Variants in MAD1L1 observed in about 807,000 individuals in gnomAD.
MAD1L1 encodes the protein mitotic arrest deficient 1 like 1, also known as mitotic spindle assembly checkpoint protein MAD1.
MAD1L1 carries 95 observed loss-of-function variants against 96.9 expected under a neutral mutation model. That is an observed-to-expected ratio of 0.98 (90% CI 0.83 to 1.16). MAD1L1 has a LOEUF of 1.16. Ranked by LOEUF, MAD1L1 falls within the 50% of genes most tolerant of loss-of-function variation. The probability of loss-of-function intolerance (pLI) is 0.00; values close to 1 mark genes in which losing one functional copy is unlikely to be tolerated. For synonymous variants in MAD1L1, 473 were observed against 396.6 expected (o/e 1.19, Z -2.29); for missense variants, 1,007 against 954.4 (o/e 1.06, Z -0.73).
intron 11 of MAD1L1, among the ~76,000 whole-genome samples, chr7:2,082,094 G>C (rs1158019220): frequency 4.6e-5 from 7 of 152,152 alleles, no homozygotes; most frequent in Non-Finnish European, 1.5e-5. Flanking sequence ...GAAAAGCAGA[G>C]ACCGAGGAAT....
At chr7:1,819,246 G>C (rs1357106670) in intron 18 of MAD1L1, among the ~76,000 whole-genome samples, 1 of 152,148 alleles carries the variant, frequency 6.6e-6, no homozygotes, top group Non-Finnish European at 1.5e-5. Context: ...AGACACGTTG[G>C]CTGTGGCTGG....
chr7:1,826,225 C>T (rs1049593420), intron 18 of MAD1L1, among the ~76,000 whole-genome samples: 4 of 152,140 alleles, frequency 2.6e-5, no homozygotes, highest in Admixed American at 6.5e-5. Context: ...ATCCACGGCC[C>T]GAAGGTGATC....
chr7:1,937,637 G>A (rs947913109), intron 16 of MAD1L1, among the ~76,000 whole-genome samples: 30 of 150,554 alleles, frequency 2.0e-4, no homozygotes, highest in Non-Finnish European at 3.9e-4. Flanking sequence ...CAGCAGGGAG[G>A]TGCAGGGTCA....
Position 2,103,350 on chromosome 7 carries a change from T to C in MAD1L1, c.1074-34012A>G, listed in dbSNP as rs1375096712. 6.6e-6 allele frequency among the ~76,000 whole-genome samples: 1 copy of C among 152,122 alleles called. No homozygotes were observed. The highest frequency in any genetic ancestry group is 1.5e-5 in the Non-Finnish European group (1 of 68,006). On this transcript the variant is annotated intron_variant, in intron 11 of 18. Transcript: ENST00000265854. The surrounding 1 kb of genome is among the most constrained non-coding windows in gnomAD (Gnocchi z 4.3). ...CACTCAGTGAAGGCCTGGGCCTGCC[T>C]GCCCCGCCGCTCAGTAGACGGCACA...
At chr7:2,192,031 G>A (rs1251997285) in intron 10 of MAD1L1, among the ~76,000 whole-genome samples, 5 of 146,800 alleles carry the variant, frequency 3.4e-5, no homozygotes, top group East Asian at 1.9e-4. Context: ...CCTCTGTCTC[G>A]ATAAAAAAAA....
rs1174424134 is a variant in MAD1L1, at chr7:1,983,144, G to A, written c.1417-2603C>T. Among the ~76,000 whole-genome samples the A allele has an allele frequency of 2.1e-3, 102 of 48,204 alleles. 1 individual carries two copies. Among genetic ancestry groups the A allele is most frequent in the East Asian group, 6.4e-3 (9 of 1,410 alleles). 31.6% of individuals were successfully genotyped at this position (48,204 alleles called of 152,430 possible). On this transcript the variant is annotated intron_variant, in intron 14 of 18. Coordinates refer to ENST00000265854, the MANE Select transcript of MAD1L1 (RefSeq NM_001013836.2). Reference sequence around the variant, plus strand: ...CACACACCCACAGACGCGCGCGCGCGCGCGCGCGCGCACACACACACACAC... The same window carrying A: ...CACACACCCACAGACGCGCGCGCGCACGCGCGCGCGCACACACACACACAC...
At chr7:2,106,955 G>A (rs1265854289) in intron 11 of MAD1L1, among the ~76,000 whole-genome samples, 2 of 152,202 alleles carry the variant, frequency 1.3e-5, no homozygotes, top group Non-Finnish European at 2.9e-5. Flanking sequence ...TCCCCTAGAG[G>A]AGCGTAGTCT....
intron 14 of MAD1L1, among the ~76,000 whole-genome samples, chr7:1,998,647 G>C (rs953099817): frequency 2.6e-5 from 4 of 152,172 alleles, no homozygotes; most frequent in Non-Finnish European, 4.4e-5. Context: ...GAAGGGTCCA[G>C]AAAGCTCAGT....
chr7:2,084,342 C>T (rs564944229), intron 11 of MAD1L1, among the ~76,000 whole-genome samples: 2 of 152,338 alleles, frequency 1.3e-5, no homozygotes, highest in East Asian at 3.9e-4. Flanking sequence ...CAGCGCGAGG[C>T]CAGGAATGCC....
At chr7:2,075,243 C>G (rs1243235149) in intron 11 of MAD1L1, among the ~76,000 whole-genome samples, 2 of 152,180 alleles carry the variant, frequency 1.3e-5, no homozygotes, top group East Asian at 3.9e-4. Context: ...CTAAAGGCCC[C>G]CCATCTAGCG....
At chr7:2,152,019 C>CCAGGTG (rs1789598484) in intron 10 of MAD1L1, among the ~76,000 whole-genome samples, 1 of 151,156 alleles carries the variant, frequency 6.6e-6, no homozygotes, top group African/African-American at 2.5e-5. Flanking sequence ...GAGGCTGCTT[C>CCAGGTG]CGGGTGGCTC....
At chr7:2,128,059 C>T (rs911129828) in intron 11 of MAD1L1, among the ~76,000 whole-genome samples, 5 of 152,300 alleles carry the variant, frequency 3.3e-5, no homozygotes, top group Admixed American at 1.3e-4. Flanking sequence ...TTTTAAATCA[C>T]AGTCGTCGGT....
At chr7:1,935,553 CCA>C (rs1778549028) in intron 17 of MAD1L1, among the ~76,000 whole-genome samples, 1 of 152,186 alleles carries the variant, frequency 6.6e-6, no homozygotes. Flanking sequence ...AGGGAAGACC[CCA>C]CCTAAGACCC....
At chr7:2,207,294 G>A (rs980423561) in intron 10 of MAD1L1, among the ~76,000 whole-genome samples, 2 of 152,148 alleles carry the variant, frequency 1.3e-5, no homozygotes, top group East Asian at 3.9e-4. Flanking sequence ...TATCTGGAGT[G>A]AGAAGAGTGT....
chr7:2,111,144 G>C (rs1163794714), intron 11 of MAD1L1, among the ~76,000 whole-genome samples: 2 of 152,210 alleles, frequency 1.3e-5, no homozygotes, highest in African/African-American at 4.8e-5. Context: ...AGAAGAAACA[G>C]GGAGAGAGGA....
rs377315584 is a variant in MAD1L1 at position 2,009,956 on chromosome 7, G to A, written c.1359+4546C>T. ...GTTCTGGGAATGGAGCCAGCACCTC[G>A]CGATTCCCACTGAGGACCTGTGGCC... On this transcript the variant is annotated intron_variant, in intron 13 of 18. Coordinates refer to ENST00000265854, the MANE Select transcript of MAD1L1 (RefSeq NM_001013836.2). 3.0e-3 allele frequency among the ~76,000 whole-genome samples: 453 copies of A among 152,086 alleles called. 1 individual carries two copies. Among genetic ancestry groups the A allele is most frequent in the African/African-American group, 9.4e-3 (389 of 41,462 alleles).
Position 2,114,802 on chromosome 7 carries a change from G to T in MAD1L1, c.1073+34350C>A, listed in dbSNP as rs193122177. ...GACCACCTGCCCGGCAAACCCCAAA[G>T]AGTCCGTTCTGGCCCTTCACACAAG... is the stretch of plus-strand genomic sequence containing the variant. On this transcript the variant is annotated intron_variant, in intron 11 of 18. Coordinates refer to ENST00000265854, the MANE Select transcript of MAD1L1 (RefSeq NM_001013836.2). This position sits in a 1 kb window ranked among gnomAD's most constrained non-coding sequence, Gnocchi z 4.2. Among the ~76,000 whole-genome samples, 5 of 152,288 alleles carry T rather than the reference G, an allele frequency of 3.3e-5. No homozygotes were observed. The highest frequency in any genetic ancestry group is 1.2e-4 in the African/African-American group (5 of 41,552).
intron 11 of MAD1L1, among the ~76,000 whole-genome samples, chr7:2,076,223 CTG>C (rs1785367245): frequency 6.6e-6 from 1 of 152,212 alleles, no homozygotes; most frequent in Admixed American, 6.5e-5. Flanking sequence ...CACAGAATGC[CTG>C]TGTCGTCCCA....
Position 2,034,143 on chromosome 7 carries a change from G to A in MAD1L1, c.1219-19501C>T, listed in dbSNP as rs181733181. Among the ~76,000 whole-genome samples the A allele has an allele frequency of 8.0e-3, 1,222 of 151,876 alleles. 12 individuals are homozygous for A. The highest frequency in any genetic ancestry group is 9.8e-3 in the Non-Finnish European group (668 of 67,980). The stretch of plus-strand genomic sequence containing the variant: ...ATGAATCAGATATGGGGAAAGCACT[G>A]AGTCCAAGGATGTTGCACACATTAG... On this transcript the variant is annotated intron_variant, in intron 12 of 18. Transcript: ENST00000265854.
Sources: gnomAD v4.1 joint callset for allele counts (sites outside exome capture counted in the v4.1 genomes callset) on GRCh38, gnomAD v4.1.1 for gene constraint, Gnocchi (gnomAD v3.1) non-coding constraint, MANE v1.5 for transcripts, NCBI Gene and HGNC (gene_info 2026-07-23, HGNC 2026-07-21) for gene names.